PABIR3: variants seen among roughly 807,000 people sequenced by gnomAD.
PABIR3 encodes the protein PABIR family member 1.
PABIR3 carries 20 observed loss-of-function variants against 23.1 expected under a neutral mutation model. The observed-to-expected ratio is 0.86, with a 90% CI of 0.61 to 1.26. PABIR3 has a LOEUF of 1.26. Ranked by LOEUF, PABIR3 falls within the 50% of genes most tolerant of loss-of-function variation. The pLI is 0.00. For synonymous variants in PABIR3, 69 were observed against 68.5 expected, an observed-to-expected ratio of 1.01 and a Z score of -0.04; for missense variants, 189 against 195.4, an observed-to-expected ratio of 0.97 and a Z score of 0.20.
chrX:134,838,042 A>T (rs2082027095), intron 4 of PABIR3, among the ~76,000 whole-genome samples: 1 of 111,860 alleles, frequency 8.9e-6, no homozygotes, highest in South Asian at 3.7e-4. Context: ...CACAGTTTTA[A>T]GACTCAAAGC....
At chrX:134,840,537 A>G (rs781538851) in intron 4 of PABIR3, among the ~76,000 whole-genome samples, 1 of 110,878 alleles carries the variant, frequency 9.0e-6, no homozygotes, top group African/African-American at 3.3e-5. Context: ...CCACCTCATC[A>G]TCCTCATTCT....
chrX:134,862,644 T>G, the PABIR3 span, among the ~76,000 whole-genome samples: 22 of 112,089 alleles, frequency 2.0e-4, no homozygotes, highest in Non-Finnish European at 4.1e-4. Flanking sequence ...GTCTATTACT[T>G]GTGTAATCAA....
chrX:134,846,870 C>T (rs1473687253), intron 6 of PABIR3, among the ~76,000 whole-genome samples: 1 of 112,010 alleles, frequency 8.9e-6, no homozygotes, highest in Non-Finnish European at 1.9e-5. Flanking sequence ...ATGTAATACA[C>T]ACTTGGCTTG....
chrX:134,847,990 A>C lies in PABIR3; in HGVS notation c.527+19A>C, dbSNP rs1468110542. ...ACATCATGTAAGTTTATGTTATATG[A>C]AAATACCAAATTGCTTATAAAATAA... is the stretch of plus-strand genomic sequence containing the variant. On this transcript the variant is annotated intron_variant, in intron 8 of 10. Coordinates refer to ENST00000645433, the MANE Select transcript of PABIR3 (RefSeq NM_001388447.1). 3 of 1,078,938 alleles carry C rather than the reference A, an allele frequency of 2.8e-6. No homozygotes were observed. The highest frequency in any genetic ancestry group is 3.7e-6 in the Non-Finnish European group (3 of 804,434). 88.9% of individuals were successfully genotyped at this position (1,078,938 alleles called of 1,213,427 possible). A position where few individuals can be genotyped will look rare whatever the true frequency, so the allele number is the denominator to read the frequency against.
chrX:134,804,088 T>G (rs2080134496), upstream of PABIR3: 1 of 493,792 alleles, frequency 2.0e-6, no homozygotes, highest in Non-Finnish European at 3.3e-6. Context: ...TGTTTGTTGG[T>G]TCCCTTTTAT....
chrX:134,804,041 T>C, upstream of PABIR3: 1 of 345,346 alleles, frequency 2.9e-6, no homozygotes, highest in South Asian at 4.5e-5. Flanking sequence ...TTCAAGGTTG[T>C]CATGACAACT....
chrX:134,856,348 G>A (rs1304839633), downstream of PABIR3, among the ~76,000 whole-genome samples: 1 of 110,500 alleles, frequency 9.0e-6, no homozygotes, highest in East Asian at 2.9e-4. Context: ...ACCATGCCCG[G>A]CTAATTTTTG....
downstream of PABIR3, among the ~76,000 whole-genome samples, chrX:134,858,026 C>T: frequency 9.0e-6 from 1 of 111,375 alleles, no homozygotes; most frequent in Middle Eastern, 4.8e-3. Context: ...TCTATCATAA[C>T]ATGACTATAG....
At chrX:134,802,804 C>A (rs1164987116), upstream of PABIR3, among the ~76,000 whole-genome samples, 1 of 112,864 alleles carries the variant, frequency 8.9e-6, no homozygotes, top group Non-Finnish European at 1.9e-5. Flanking sequence ...GACCAGTTGC[C>A]ATCAATTGCC....
At chrX:134,825,944 A>G (rs1274850921) in intron 3 of PABIR3, among the ~76,000 whole-genome samples, 1 of 104,773 alleles carries the variant, frequency 9.5e-6, no homozygotes, top group Non-Finnish European at 1.9e-5. Context: ...TCAAAGTGCT[A>G]GGATTACAGG....
intron 9 of PABIR3, 23 bp from the exon 10 acceptor site, chrX:134,852,777 C>T (rs1331911016): frequency 2.1e-6 from 2 of 966,722 alleles, no homozygotes; most frequent in East Asian, 7.4e-5. Flanking sequence ...AAACATCTAC[C>T]TTGATCTGCT....
At chrX:134,802,029 C>G (rs73568751) in intron 1 of PABIR3, among the ~76,000 whole-genome samples, 1,430 of 107,538 alleles carry the variant, frequency 0.013, 21 homozygotes, top group African/African-American at 0.047. Flanking sequence ...CCCCCACCCC[C>G]CTGCCCCACC....
chrX:134,813,497 T>C (rs977253429), intron 2 of PABIR3, among the ~76,000 whole-genome samples: 1 of 112,357 alleles, frequency 8.9e-6, no homozygotes, highest in Non-Finnish European at 1.9e-5. Context: ...TGATTGGATA[T>C]AGGCAGCTAA....
Position 134,814,716 on chromosome X carries a change from A to G in PABIR3, c.111-55A>G, listed in dbSNP as rs192996541. On this transcript the variant is annotated intron_variant, in intron 2 of 10. Coordinates refer to ENST00000645433, the MANE Select transcript of PABIR3 (RefSeq NM_001388447.1). ...GAGACTCCGTCTCAAAAAAAAAAAA[A>G]AAAAGAATTTTGTAATGGATTTTAT... 4,409 of 1,002,211 alleles carry G rather than the reference A, an allele frequency of 4.4e-3. 117 individuals are homozygous for G. The African/African-American group carries it at 0.079, about 18-fold the overall frequency. 82.6% of individuals were successfully genotyped at this position (1,002,211 alleles called of 1,213,427 possible).
At chrX:134,817,637 T>C (rs2081056124) in intron 3 of PABIR3, among the ~76,000 whole-genome samples, 1 of 109,467 alleles carries the variant, frequency 9.1e-6, no homozygotes, top group Non-Finnish European at 1.9e-5. Context: ...GTGTGGTGTA[T>C]AGATAAAAGA....
intron 4 of PABIR3, among the ~76,000 whole-genome samples, chrX:134,839,775 G>A (rs1296375161): frequency 2.7e-5 from 3 of 109,856 alleles, no homozygotes; most frequent in African/African-American, 9.9e-5. Context: ...CGCCTCGTCC[G>A]GGAGGTGAGG....
chrX:134,814,905 A>T lies in PABIR3; in HGVS notation c.189+56A>T. 4.4e-6 allele frequency: 4 copies of T among 908,476 alleles called. No homozygotes were observed. The South Asian group carries it at 1.1e-4, about 24-fold the overall frequency. 74.9% of individuals were successfully genotyped at this position (908,476 alleles called of 1,213,427 possible). On this transcript the variant is annotated intron_variant, in intron 3 of 10. Transcript: ENST00000645433. The stretch of plus-strand genomic sequence containing the variant: ...CTAAGACTTGTGCTTATTGGTCTCA[A>T]CCAATGGTCTTCAAACTTGAGCATT...
chrX:134,799,058 G>C (rs1282260330), intron 1 of PABIR3, among the ~76,000 whole-genome samples: 1 of 111,841 alleles, frequency 8.9e-6, no homozygotes, highest in Non-Finnish European at 1.9e-5. Flanking sequence ...TGTATTCAGG[G>C]TTATGAGTAT....
the PABIR3 span, among the ~76,000 whole-genome samples, chrX:134,862,708 G>GT: frequency 9.8e-5 from 11 of 111,761 alleles, no homozygotes; most frequent in African/African-American, 3.6e-4. Context: ...TATTAATTTT[G>GT]TAAGAGATGG....
Sources: gnomAD v4.1 joint callset for allele counts (sites outside exome capture counted in the v4.1 genomes callset) on GRCh38, gnomAD v4.1.1 for gene constraint, MANE v1.5 for transcripts, NCBI Gene and HGNC (gene_info 2026-07-23, HGNC 2026-07-21) for gene names.